The following DOCK11 variants were observed in gnomAD, a reference collection of about 807,000 sequenced individuals.
The protein encoded by DOCK11 is dedicator of cytokinesis 11, also known as dedicator of cytokinesis protein 11.
DOCK11 carries 70 observed loss-of-function variants against 169.1 expected under a neutral mutation model. The observed-to-expected ratio is 0.41, with a 90% confidence interval of 0.34 to 0.51. The LOEUF (loss-of-function observed/expected upper bound fraction) is 0.51, where lower values mean the gene tolerates loss of function less well. DOCK11 is among the 20% of genes least tolerant of loss of function. DOCK11 has a pLI of 0.10. For synonymous variants in DOCK11, 529 were observed against 541.3 expected, an observed-to-expected ratio of 0.98 and a Z score of 0.32; for missense variants, 1,166 against 1,538.8, an observed-to-expected ratio of 0.76 and a Z score of 4.05.
intron 48 of DOCK11, 35 bp downstream of exon 48, chrX:118,676,772 G>A: frequency 8.8e-7 from 1 of 1,140,510 alleles, no homozygotes; most frequent in Admixed American, 2.3e-5. Flanking sequence ...ATCATTATTT[G>A]TTAGTTCCAG....
chrX:118,647,734 TATA>T (rs1282239125), intron 40 of DOCK11, among the ~76,000 whole-genome samples: 12 of 50,738 alleles, frequency 2.4e-4, no homozygotes, highest in Non-Finnish European at 3.5e-4. Context: ...ATTAATATAA[TATA>T]ATATAATATA....
intron 48 of DOCK11, among the ~76,000 whole-genome samples, chrX:118,679,866 A>T (rs773803635): frequency 9.0e-6 from 1 of 110,653 alleles, no homozygotes; most frequent in East Asian, 2.8e-4. Flanking sequence ...GATGAGAAGG[A>T]AATATATAAA....
At chrX:118,505,086 C>G (rs775417302) in intron 1 of DOCK11, among the ~76,000 whole-genome samples, 4 of 112,289 alleles carry the variant, frequency 3.6e-5, no homozygotes, top group African/African-American at 1.3e-4. Flanking sequence ...TGCAGTGACA[C>G]GAACTTGGTT....
intron 45 of DOCK11, among the ~76,000 whole-genome samples, chrX:118,667,284 T>C (rs1425211133): frequency 9.0e-6 from 1 of 111,546 alleles, no homozygotes; most frequent in Non-Finnish European, 1.9e-5. Context: ...CCCAAAAATC[T>C]GTGCCTACCT....
chrX:118,678,981 G>A (rs1327338388), intron 48 of DOCK11, among the ~76,000 whole-genome samples: 4 of 110,696 alleles, frequency 3.6e-5, no homozygotes, highest in African/African-American at 9.9e-5. Flanking sequence ...GTGTGGAGAC[G>A]GGGTCTCACT....
intron 6 of DOCK11, among the ~76,000 whole-genome samples, chrX:118,556,848 T>C (rs2012713971): frequency 9.0e-6 from 1 of 110,633 alleles, no homozygotes; most frequent in African/African-American, 3.3e-5. Flanking sequence ...TCAAATCCTT[T>C]GGCTTGCTCT....
intron 14 of DOCK11, among the ~76,000 whole-genome samples, chrX:118,582,862 G>A (rs1221173136): frequency 8.9e-6 from 1 of 112,100 alleles, no homozygotes; most frequent in Non-Finnish European, 1.9e-5. Flanking sequence ...CATTGTGGAA[G>A]ACAATGTCAC....
intron 47 of DOCK11, 150 bp downstream of exon 47, chrX:118,676,199 T>A: frequency 2.4e-6 from 1 of 414,023 alleles, no homozygotes; most frequent in Non-Finnish European, 4.2e-6. Context: ...ACTTTGGTTC[T>A]CATATCTAAA....
rs990748076 is a variant in DOCK11, at chrX:118,599,403, G to T, written c.2562+175G>T. Among the ~76,000 whole-genome samples the T allele has an allele frequency of 3.6e-5, 4 of 111,604 alleles. No homozygotes were observed. In the Admixed American group the frequency reaches 3.8e-4, roughly 11 times the overall value. ...TCATGTGGCTGTTTAGAAGCAGACA[G>T]CAGAGTGGCAACATTAGGAAGAAAA... On this transcript the variant is annotated intron_variant, in intron 23 of 52. Transcript: ENST00000276202.
At chrX:118,531,048 A>T (rs188112961) in intron 1 of DOCK11, among the ~76,000 whole-genome samples, 96 of 111,873 alleles carry the variant, frequency 8.6e-4, no homozygotes, top group Non-Finnish European at 1.5e-3. Context: ...TTGAAAACTA[A>T]CCATTGGAAT....
Position 118,643,475 on chromosome X carries a change from G to C in DOCK11, c.4279G>C (p.Asp1427His). 2 of 1,206,776 alleles carry C rather than the reference G, an allele frequency of 1.7e-6. No individual in the cohort carries two copies. The highest frequency in any genetic ancestry group is 2.2e-6 in the Non-Finnish European group (2 of 893,094). The part of the protein sequence containing the change: ...QCFKTQLLNN[D>H]GHNPLMKKVF... The stretch of plus-strand genomic sequence containing the variant: ...TTTATAGACCCAACTTTTAAATAAT[G>C]ATGGCCATAACCCATTAATGAAAAA... The change falls in exon 40 of 53, where the codon GAT becomes CAT. Residue 1427 changes from aspartate to histidine, a missense_variant. Transcript: ENST00000276202.
At chrX:118,589,912 C>T (rs760003641) in intron 18 of DOCK11, among the ~76,000 whole-genome samples, 1 of 112,408 alleles carries the variant, frequency 8.9e-6, no homozygotes, top group Non-Finnish European at 1.9e-5. Context: ...TGGTTTGAGA[C>T]AAGTATTTCC....
intron 39 of DOCK11, among the ~76,000 whole-genome samples, chrX:118,642,885 C>G (rs1358500648): frequency 9.0e-6 from 1 of 111,362 alleles, no homozygotes; most frequent in Non-Finnish European, 1.9e-5. Context: ...AGGTATTTCT[C>G]TACAATTTGT....
chrX:118,514,855 A>G (rs141405493), intron 1 of DOCK11, among the ~76,000 whole-genome samples: 2,105 of 112,250 alleles, frequency 0.019, 38 homozygotes, highest in South Asian at 0.06. Flanking sequence ...CTCCTTCTGC[A>G]GCCTTACAGC....
Position 118,627,501 on chromosome X carries a change from C to T in DOCK11, c.3589-3C>T, listed in dbSNP as rs1304133746. Reference sequence around the variant, plus strand: ...ATGACACAGGTATCATATTCTGTTACAGGCATCCAGAGATGAGTTTCCATG... The same window carrying T: ...ATGACACAGGTATCATATTCTGTTATAGGCATCCAGAGATGAGTTTCCATG... On this transcript the variant is annotated splice_polypyrimidine_tract_variant and splice_region_variant and intron_variant, in intron 32 of 52. Transcript: ENST00000276202. 5.8e-6 allele frequency: 7 copies of T among 1,199,322 alleles called. No individual in the cohort carries two copies. In the Admixed American group the frequency reaches 1.3e-4, roughly 22 times the overall value.
intron 1 of DOCK11, among the ~76,000 whole-genome samples, chrX:118,498,864 G>A (rs146014570): frequency 0.013 from 1,395 of 110,981 alleles, 18 homozygotes; most frequent in African/African-American, 0.044. Context: ...GCTGGGCCTG[G>A]GCTATATATA....
chrX:118,539,875 A>C (rs2011901919), intron 1 of DOCK11, among the ~76,000 whole-genome samples: 1 of 108,147 alleles, frequency 9.2e-6, no homozygotes, highest in African/African-American at 3.4e-5. Context: ...ACATGGTGAA[A>C]CCCTGTCTCT....
At chrX:118,552,632 G>A (rs866452133) in intron 6 of DOCK11, among the ~76,000 whole-genome samples, 5 of 112,314 alleles carry the variant, frequency 4.5e-5, no homozygotes, top group South Asian at 7.3e-4. Context: ...GGAAAGCTGC[G>A]AATAATGTGC....
chrX:118,620,448 C>T (rs1265023658), intron 31 of DOCK11, among the ~76,000 whole-genome samples: 3 of 111,898 alleles, frequency 2.7e-5, no homozygotes, highest in South Asian at 7.4e-4. Context: ...CCTTTAATTA[C>T]AGTGATTTTC....
Sources: gnomAD v4.1 joint callset for allele counts (sites outside exome capture counted in the v4.1 genomes callset) on GRCh38, gnomAD v4.1.1 for gene constraint, MANE v1.5 for transcripts, NCBI Gene and HGNC (gene_info 2026-07-23, HGNC 2026-07-21) for gene names.